The following LMF1 variants were observed in gnomAD, a reference collection of about 807,000 sequenced individuals.
LMF1 encodes the protein lipase maturation factor 1.
Under a neutral mutation model 60.6 loss-of-function variants are expected in LMF1, and 68 were observed. The observed-to-expected ratio is 1.12, with a 90% CI of 0.92 to 1.37. LMF1 has a LOEUF of 1.37. LMF1 is among the 40% of genes most tolerant of loss of function. LMF1 has a pLI of 0.00. For synonymous variants in LMF1, 418 were observed against 324.7 expected, an observed-to-expected ratio of 1.29 and a Z score of -3.09; for missense variants, 948 against 767.2, an observed-to-expected ratio of 1.24 and a Z score of -2.78.
At chr16:930,086 ACGGGGGCG>A (rs1426783232) in intron 3 of LMF1, among the ~76,000 whole-genome samples, 11 of 90,562 alleles carry the variant, frequency 1.2e-4, no homozygotes, top group African/African-American at 7.3e-4. Context: ...GTCCGTCTGA[ACGGGGGCG>A]CAGGACCCTG....
intron 5 of LMF1, among the ~76,000 whole-genome samples, chr16:884,406 C>T (rs1166350380): frequency 3.3e-5 from 5 of 152,202 alleles, no homozygotes; most frequent in African/African-American, 9.7e-5. Flanking sequence ...GAGTAGAGTA[C>T]AATCTTTAAA....
At position 864,201 on chromosome 16, in the gene LMF1, T is replaced by C. The variant is rs147505612; in HGVS notation, c.1529+4743A>G. Among the ~76,000 whole-genome samples, 113 of 152,356 alleles carry C rather than the reference T, an allele frequency of 7.4e-4. 2 individuals are homozygous for C. The highest frequency in any genetic ancestry group is 2.6e-3 in the African/African-American group (109 of 41,584). ...TCTCATTGTCCGTCTTTGTCTCCAA[T>C]AATTTTTGCACTGAGGTCTACTTTG... On this transcript the variant is annotated intron_variant, in intron 10 of 10. Transcript: ENST00000262301.
At chr16:882,677 G>C (rs893628140) in intron 5 of LMF1, among the ~76,000 whole-genome samples, 7 of 152,142 alleles carry the variant, frequency 4.6e-5, no homozygotes, top group African/African-American at 1.7e-4. Context: ...CCAGGAGAAA[G>C]AGAAGCCAGC....
At chr16:942,717 G>A (rs141737799) in intron 2 of LMF1, among the ~76,000 whole-genome samples, 8,827 of 136,654 alleles carry the variant, frequency 0.065, 462 homozygotes, top group Non-Finnish European at 0.09. Flanking sequence ...TCACATGTAT[G>A]TTAGACCACC....
At chr16:889,559 C>T (rs970292630) in intron 5 of LMF1, among the ~76,000 whole-genome samples, 3 of 152,152 alleles carry the variant, frequency 2.0e-5, no homozygotes, top group Non-Finnish European at 2.9e-5. Flanking sequence ...TTTCAGGCTC[C>T]TGAAGAGGCT....
upstream of LMF1, among the ~76,000 whole-genome samples, chr16:973,501 C>T (rs185668505): frequency 1.8e-3 from 272 of 152,178 alleles, no homozygotes; most frequent in Non-Finnish European, 2.7e-3. Flanking sequence ...GGCAAAGCCA[C>T]GGGGAAAGGA....
intron 5 of LMF1, among the ~76,000 whole-genome samples, chr16:881,812 C>T (rs560397446): frequency 2.1e-4 from 32 of 152,306 alleles, no homozygotes; most frequent in African/African-American, 7.7e-4. Flanking sequence ...GGCCCACACC[C>T]GAAGTCCCAG....
intron 2 of LMF1, among the ~76,000 whole-genome samples, chr16:946,026 C>G (rs1354974226): frequency 6.6e-6 from 1 of 152,146 alleles, no homozygotes; most frequent in Non-Finnish European, 1.5e-5. Flanking sequence ...CATGGACACC[C>G]CAAAACAAGC....
At chr16:940,577 A>G (rs931016507) in intron 2 of LMF1, among the ~76,000 whole-genome samples, 1 of 152,258 alleles carries the variant, frequency 6.6e-6, no homozygotes, top group African/African-American at 2.4e-5. Flanking sequence ...TGGATGTCCC[A>G]GAAGAGACCA....
At chr16:919,243 G>C (rs1226982246) in intron 3 of LMF1, among the ~76,000 whole-genome samples, 1 of 152,164 alleles carries the variant, frequency 6.6e-6, no homozygotes, top group African/African-American at 2.4e-5. Flanking sequence ...CCCACGTGGA[G>C]GGTGGTGTGT....
intron 4 of LMF1, among the ~76,000 whole-genome samples, chr16:909,428 C>T (rs2071049389): frequency 1.3e-5 from 2 of 152,140 alleles, no homozygotes; most frequent in African/African-American, 4.8e-5. Context: ...TACACCAAGC[C>T]ACGCCACACA....
At chr16:875,659 C>T (rs1016730236) in intron 6 of LMF1, among the ~76,000 whole-genome samples, 2 of 152,160 alleles carry the variant, frequency 1.3e-5, no homozygotes, top group Non-Finnish European at 2.9e-5. Context: ...GGATCCTGAG[C>T]ACTCCCCACT....
chr16:889,385 T>TGGCCATGGGTGTGAGGCTGCGGAC (rs1567188786), intron 5 of LMF1, among the ~76,000 whole-genome samples: 21 of 147,826 alleles, frequency 1.4e-4, no homozygotes, highest in Non-Finnish European at 2.8e-4. Context: ...AGGCTGCGGA[T>TGGCCATGGGTGTGAGGCTGCGGAC]GGCCGTGGGT....
At chr16:940,028 G>A (rs1397030283) in intron 2 of LMF1, among the ~76,000 whole-genome samples, 1 of 152,170 alleles carries the variant, frequency 6.6e-6, no homozygotes, top group Admixed American at 6.5e-5. Flanking sequence ...AGACGTACCA[G>A]GAACCCTGAG....
chr16:893,125 G>C (rs147186984), intron 4 of LMF1, 53 bp from the exon 5 acceptor site: 20 of 1,469,566 alleles, frequency 1.4e-5, no homozygotes, highest in Non-Finnish European at 1.8e-5. Flanking sequence ...GGGATGCGGC[G>C]GCCCCGACAG....
chr16:889,626 T>C (rs1304982950), intron 5 of LMF1, among the ~76,000 whole-genome samples: 3 of 152,062 alleles, frequency 2.0e-5, no homozygotes, highest in African/African-American at 7.2e-5. Context: ...CCCCTCTGAC[T>C]CCTTATCTGA....
At chr16:903,625 G>A (rs1443624253) in intron 4 of LMF1, 18 of 93,366 alleles carry the variant, frequency 1.9e-4, no homozygotes, top group South Asian at 6.0e-4. Context: ...CAGGACGCCT[G>A]TCTCTGCTGC....
chr16:927,614 G>A (rs1037978601), intron 3 of LMF1, among the ~76,000 whole-genome samples: 3 of 152,236 alleles, frequency 2.0e-5, no homozygotes, highest in Non-Finnish European at 4.4e-5. Flanking sequence ...AGGGCCATCA[G>A]CTAAAGCAGG....
chr16:883,491 G>A (rs2070224564), intron 5 of LMF1, among the ~76,000 whole-genome samples: 2 of 152,224 alleles, frequency 1.3e-5, no homozygotes, highest in Admixed American at 6.5e-5. Flanking sequence ...GCCAAACAGT[G>A]TTGAACTCTG....
Sources: allele counts gnomAD v4.1 joint callset (sites outside exome capture counted in the v4.1 genomes callset), GRCh38; gene constraint gnomAD v4.1.1; transcripts MANE v1.5; gene names NCBI Gene and HGNC (gene_info 2026-07-23, HGNC 2026-07-21).